NDST4: variants seen among roughly 807,000 people sequenced by gnomAD.
The protein encoded by NDST4 is N-heparan sulfate sulfotransferase 4.
A neutral mutation model predicts 100.8 loss-of-function variants in NDST4; 63 were observed. The observed-to-expected ratio is 0.62, with a 90% CI of 0.51 to 0.77. The LOEUF is 0.77. Among genes scored for constraint, NDST4 ranks in the 30% least tolerant of loss-of-function variants. The probability of loss-of-function intolerance (pLI) is 0.00; values close to 1 mark genes in which losing one functional copy is unlikely to be tolerated. For missense variants in NDST4, 943 were observed against 1,018.4 expected (o/e 0.93, Z 1.01); for synonymous variants, 377 against 361.8 (o/e 1.04, Z -0.48).
chr4:114,980,113 A>C (rs1221440632), intron 2 of NDST4, among the ~76,000 whole-genome samples: 1 of 152,216 alleles, frequency 6.6e-6, no homozygotes, highest in Non-Finnish European at 1.5e-5. Flanking sequence ...GTAAAATGTC[A>C]GAAGAAATAT....
At chr4:114,973,434 T>C (rs1201081199) in intron 3 of NDST4, among the ~76,000 whole-genome samples, 1 of 152,014 alleles carries the variant, frequency 6.6e-6, no homozygotes, top group Non-Finnish European at 1.5e-5. Flanking sequence ...TACAGACCAT[T>C]AAAATATCTG....
intron 6 of NDST4, among the ~76,000 whole-genome samples, chr4:114,933,150 G>A (rs372327537): frequency 1.3e-5 from 2 of 151,932 alleles, no homozygotes; most frequent in African/African-American, 2.4e-5. Flanking sequence ...CAAAGCAAAC[G>A]GTCCAGAAAT....
At chr4:114,897,998 C>T (rs1724753160) in intron 6 of NDST4, among the ~76,000 whole-genome samples, 1 of 152,156 alleles carries the variant, frequency 6.6e-6, no homozygotes, top group Non-Finnish European at 1.5e-5. Context: ...TACTCCCAGT[C>T]TGTGGCTCAT....
intron 3 of NDST4, among the ~76,000 whole-genome samples, chr4:114,973,966 C>T (rs1726572860): frequency 6.6e-6 from 1 of 151,730 alleles, no homozygotes; most frequent in African/African-American, 2.4e-5. Context: ...TTAAAAGCTA[C>T]CTATGGTTCC....
intron 2 of NDST4, among the ~76,000 whole-genome samples, chr4:115,033,188 C>T (rs1291258261): frequency 1.5e-5 from 2 of 136,004 alleles, no homozygotes; most frequent in African/African-American, 5.5e-5. Context: ...GGGTCTCACT[C>T]TTTTGCCCAG....
chr4:114,864,859 G>A (rs1336197499), intron 7 of NDST4, among the ~76,000 whole-genome samples: 1 of 152,152 alleles, frequency 6.6e-6, no homozygotes, highest in African/African-American at 2.4e-5. Flanking sequence ...CCATGGTTCT[G>A]TGTCTGTCTG....
chr4:115,050,255 C>G (rs1176406763), intron 2 of NDST4, among the ~76,000 whole-genome samples: 1 of 152,102 alleles, frequency 6.6e-6, no homozygotes, highest in Non-Finnish European at 1.5e-5. Context: ...AATCCTCAAA[C>G]ATGTCAATAT....
At chr4:115,042,391 A>G (rs1560577602) in intron 2 of NDST4, among the ~76,000 whole-genome samples, 1 of 152,120 alleles carries the variant, frequency 6.6e-6, no homozygotes, top group Non-Finnish European at 1.5e-5. Flanking sequence ...GCTATGTCAC[A>G]AGACCTATGT....
intron 2 of NDST4, among the ~76,000 whole-genome samples, chr4:114,986,811 TATATATATATATATATATATA>T (rs1452092988): frequency 1.6e-5 from 2 of 121,528 alleles, no homozygotes; most frequent in South Asian, 2.9e-4. Context: ...TATATATATA[TATATATATATATATATATATA>T]TTTTAATATA....
At chr4:115,053,494 T>A (rs943768017) in intron 2 of NDST4, among the ~76,000 whole-genome samples, 2 of 152,076 alleles carry the variant, frequency 1.3e-5, no homozygotes, top group African/African-American at 4.8e-5. Flanking sequence ...GCCACACCCT[T>A]TCCTGTGCAA....
chr4:114,890,002 C>T (rs1292373516), intron 6 of NDST4, among the ~76,000 whole-genome samples: 1 of 152,110 alleles, frequency 6.6e-6, no homozygotes, highest in Non-Finnish European at 1.5e-5. Context: ...TGGTGCCTTT[C>T]TCAAGCTATT....
chr4:114,970,082 T>G (rs887349389), intron 4 of NDST4, among the ~76,000 whole-genome samples: 1 of 151,872 alleles, frequency 6.6e-6, no homozygotes, highest in African/African-American at 2.4e-5. Flanking sequence ...AAGCAATAAA[T>G]TATTTTTGAA....
At position 114,929,982 on chromosome 4, in the gene NDST4, A is replaced by G. The variant is rs898856087; in HGVS notation, c.1536+5224T>C. Among the ~76,000 whole-genome samples, 120 of 152,178 alleles carry G rather than the reference A, an allele frequency of 7.9e-4. 3 individuals are homozygous for G. Among genetic ancestry groups the G allele is most frequent in the Admixed American group, 7.7e-3 (118 of 15,286 alleles). On this transcript the variant is annotated intron_variant, in intron 6 of 13. Coordinates refer to ENST00000264363, the MANE Select transcript of NDST4 (RefSeq NM_022569.3). ...TACCCTAAAGAGATGACTAGGGCAG[A>G]TATGTGTCAGGAATGTAGCCCCAGA...
chr4:114,947,830 A>C (rs1319136668), intron 4 of NDST4, among the ~76,000 whole-genome samples: 1 of 152,086 alleles, frequency 6.6e-6, no homozygotes, highest in Non-Finnish European at 1.5e-5. Flanking sequence ...CACACAAATA[A>C]AATATTAGGC....
intron 2 of NDST4, among the ~76,000 whole-genome samples, chr4:115,057,731 C>CACAG (rs1401841616): frequency 1.8e-5 from 1 of 56,554 alleles, no homozygotes; most frequent in African/African-American, 9.6e-5. Context: ...CACACACACA[C>CACAG]ACAGACACAC....
chr4:115,004,812 A>C (rs1278686407), intron 2 of NDST4, among the ~76,000 whole-genome samples: 4 of 152,270 alleles, frequency 2.6e-5, no homozygotes, highest in Admixed American at 2.6e-4. Context: ...GTTTTTCCTA[A>C]ATTTTTAATA....
chr4:114,975,800 C>A (rs1229894694), intron 3 of NDST4, among the ~76,000 whole-genome samples: 2 of 152,026 alleles, frequency 1.3e-5, no homozygotes, highest in African/African-American at 4.8e-5. Context: ...TAGATATAGC[C>A]TTTAAAGCTA....
intron 2 of NDST4, among the ~76,000 whole-genome samples, chr4:114,993,328 T>C (rs1160245985): frequency 6.6e-6 from 1 of 151,942 alleles, no homozygotes. Context: ...CATTTCTTCA[T>C]GTATCTGTAA....
intron 1 of NDST4, among the ~76,000 whole-genome samples, chr4:115,094,711 C>T (rs1308448382): frequency 6.6e-6 from 1 of 152,072 alleles, no homozygotes; most frequent in African/African-American, 2.4e-5. Context: ...GTAGGGTAGG[C>T]CCCTAGTCTA....
Sources: gnomAD v4.1 joint callset for allele counts (sites outside exome capture counted in the v4.1 genomes callset) on GRCh38, gnomAD v4.1.1 for gene constraint, MANE v1.5 for transcripts, NCBI Gene and HGNC (gene_info 2026-07-23, HGNC 2026-07-21) for gene names.